R3HCC1L: variants seen among roughly 807,000 people sequenced by gnomAD.
R3HCC1L encodes the protein coiled-coil domain-containing protein R3HCC1L.
Under a neutral mutation model 59.9 loss-of-function variants are expected in R3HCC1L, and 51 were observed. That is an observed-to-expected ratio of 0.85 (90% confidence interval 0.68 to 1.07). The LOEUF is 1.07. Ranked by LOEUF, R3HCC1L falls within the 50% of genes least tolerant of loss-of-function variation. The pLI is 0.00. For synonymous variants in R3HCC1L, 322 were observed against 315.2 expected (o/e 1.02, Z -0.23); for missense variants, 965 against 933.0 (o/e 1.03, Z -0.45).
At chr10:98,177,070 G>A (rs576306558) in intron 4 of R3HCC1L, among the ~76,000 whole-genome samples, 1 of 152,132 alleles carries the variant, frequency 6.6e-6, no homozygotes, top group Admixed American at 6.5e-5. Flanking sequence ...TAGGGTACAT[G>A]TGCACAATGT....
At chr10:98,207,231 C>T (rs1465363014) in intron 4 of R3HCC1L, among the ~76,000 whole-genome samples, 1 of 152,132 alleles carries the variant, frequency 6.6e-6, no homozygotes, top group Non-Finnish European at 1.5e-5. Flanking sequence ...CAAACTTATC[C>T]CTACTTCATA....
chr10:98,208,305 A>G lies in R3HCC1L; in HGVS notation c.191A>G (p.Asp64Gly), dbSNP rs1207865269. The G allele has an allele frequency of 2.5e-6, 4 of 1,614,064 alleles. No homozygotes were observed. Among genetic ancestry groups the G allele is most frequent in the Non-Finnish European group, 3.4e-6 (4 of 1,180,038 alleles). Reference protein sequence around the residue: ...SSLSQKEVFKDKPEARRLNIN... With the variant: ...SSLSQKEVFKGKPEARRLNIN... ...CTCTCCCAAAAAGAAGTCTTTAAAG[A>G]CAAACCGGAGGCTCGAAGACTAAAT... Residue 64 changes from aspartate to glycine, a missense_variant, in exon 5 of 10, where the codon GAC becomes GGC. Asp to Gly is a moderately conservative substitution (Grantham distance 94). Transcript: ENST00000298999.
Position 98,231,569 on chromosome 10 carries a change from A to G in R3HCC1L, c.1843A>G (p.Asn615Asp). The change falls in exon 6 of 10, where the codon AAT becomes GAT. Residue 615 changes from asparagine (N) to aspartate (D), a missense_variant. Asn to Asp is a conservative substitution (Grantham distance 23). Transcript: ENST00000298999. ...SIQEPRSDYY[N>D]HEVPDIDLSD... ...CCAGGAACCTAGATCTGATTACTAC[A>G]ATCATGAAGTTCCTGATATTGACCT... 6.2e-7 allele frequency: 1 copy of G among 1,612,980 alleles called. No individual in the cohort carries two copies. The highest frequency in any genetic ancestry group is 1.7e-4 in the Middle Eastern group (1 of 6,048).
chr10:98,154,131 G>C (rs1036304548), intron 1 of R3HCC1L, among the ~76,000 whole-genome samples: 1 of 146,184 alleles, frequency 6.8e-6, no homozygotes, highest in African/African-American at 2.6e-5. Flanking sequence ...TATCATGCAG[G>C]CCTTTTTGAT....
At chr10:98,178,683 C>T (rs1271134711) in intron 4 of R3HCC1L, among the ~76,000 whole-genome samples, 2 of 152,182 alleles carry the variant, frequency 1.3e-5, no homozygotes, top group African/African-American at 4.8e-5. Flanking sequence ...GATACTGATT[C>T]TTCCTATTCA....
chr10:98,227,399 G>GAT (rs1406635286), intron 5 of R3HCC1L, among the ~76,000 whole-genome samples: 1 of 152,050 alleles, frequency 6.6e-6, no homozygotes, highest in African/African-American at 2.4e-5. Context: ...AAGGAAAGGA[G>GAT]ATATATATTC....
intron 4 of R3HCC1L, among the ~76,000 whole-genome samples, chr10:98,184,909 A>G (rs1172575372): frequency 6.6e-6 from 1 of 152,190 alleles, no homozygotes; most frequent in Non-Finnish European, 1.5e-5. Context: ...CTATAGGTAA[A>G]GTAGTGCTCA....
chr10:98,206,759 T>A (rs994806697), intron 4 of R3HCC1L, among the ~76,000 whole-genome samples: 3 of 152,212 alleles, frequency 2.0e-5, no homozygotes, highest in African/African-American at 4.8e-5. Context: ...TGGTATCCCT[T>A]TCTATGAAAC....
At chr10:98,201,287 GGTA>G (rs1852019227) in intron 4 of R3HCC1L, among the ~76,000 whole-genome samples, 1 of 152,126 alleles carries the variant, frequency 6.6e-6, no homozygotes, top group Non-Finnish European at 1.5e-5. Flanking sequence ...GTAATGGTCT[GGTA>G]GTGGTCTGGT....
intron 4 of R3HCC1L, among the ~76,000 whole-genome samples, chr10:98,194,690 T>C (rs1362948596): frequency 1.3e-5 from 2 of 152,164 alleles, no homozygotes; most frequent in Non-Finnish European, 2.9e-5. Context: ...AGAAGATACG[T>C]GCATGGCCAG....
rs960214706 is a variant in R3HCC1L, at chr10:98,231,494, G to A, written c.1786-18G>A. ...AGGTTTAATGTAACCGGCACTTAAC[G>A]TGCTTCTTCCTTTCTAGTTATCAGG... is the stretch of plus-strand genomic sequence containing the variant. On this transcript the variant is annotated intron_variant, in intron 5 of 9. Transcript: ENST00000298999. 3.1e-6 allele frequency: 5 copies of A among 1,603,696 alleles called. No homozygotes were observed. The African/African-American group carries it at 4.0e-5, about 13-fold the overall frequency.
chr10:98,212,789 G>A (rs1157904662), intron 5 of R3HCC1L, among the ~76,000 whole-genome samples: 1 of 152,168 alleles, frequency 6.6e-6, no homozygotes, highest in Non-Finnish European at 1.5e-5. Context: ...GATGTTGATA[G>A]ATACCAGCAT....
At chr10:98,211,404 G>T (rs1853559454) in intron 5 of R3HCC1L, 1 of 1,487,470 alleles carries the variant, frequency 6.7e-7, no homozygotes, top group Non-Finnish European at 8.9e-7. Context: ...ATGACTGTCA[G>T]CCCATAATTA....
intron 5 of R3HCC1L, among the ~76,000 whole-genome samples, chr10:98,210,669 A>G (rs1378089008): frequency 1.3e-5 from 2 of 152,182 alleles, no homozygotes; most frequent in African/African-American, 2.4e-5. Flanking sequence ...TTTTCCTATA[A>G]GAGCACCAGT....
chr10:98,209,369 A>T lies in R3HCC1L; in HGVS notation c.1255A>T (p.Ser419Cys). 14 of 1,614,024 alleles carry T rather than the reference A, an allele frequency of 8.7e-6. No individual in the cohort carries two copies. The highest frequency in any genetic ancestry group is 1.2e-5 in the Non-Finnish European group (14 of 1,180,000). The part of the protein sequence containing the change: ...TRSFSKFVGM[S>C]ADATPLHVAR... ...AAGTTTCTCAAAGTTTGTAGGAATGAGTGCAGATGCAACCCCTCTTCATGT... is the reference window on the plus strand; with the variant it reads ...AAGTTTCTCAAAGTTTGTAGGAATGTGTGCAGATGCAACCCCTCTTCATGT... Residue 419 changes from serine (S) to cysteine (C), a missense_variant, in exon 5 of 10, where the codon AGT becomes TGT. Transcript: ENST00000298999.
intron 5 of R3HCC1L, among the ~76,000 whole-genome samples, chr10:98,217,718 G>T (rs2135407780): frequency 6.6e-6 from 1 of 151,986 alleles, no homozygotes; most frequent in South Asian, 2.1e-4. Context: ...AGTTTTCCTG[G>T]TAGAGAGCTT....
chr10:98,203,617 T>C (rs1216330187), intron 4 of R3HCC1L, among the ~76,000 whole-genome samples: 1 of 152,216 alleles, frequency 6.6e-6, no homozygotes, highest in Non-Finnish European at 1.5e-5. Flanking sequence ...TAAGTGCCAA[T>C]ACTCAGTTGT....
At chr10:98,185,251 A>C (rs572005035) in intron 4 of R3HCC1L, among the ~76,000 whole-genome samples, 182 of 152,274 alleles carry the variant, frequency 1.2e-3, no homozygotes, top group African/African-American at 4.1e-3. Flanking sequence ...AGTCTGTGCT[A>C]TGTGTCTAGG....
At chr10:98,179,849 G>C (rs183622426) in intron 4 of R3HCC1L, among the ~76,000 whole-genome samples, 5 of 152,172 alleles carry the variant, frequency 3.3e-5, no homozygotes, top group Admixed American at 2.0e-4. Flanking sequence ...GTTTATTTGC[G>C]TATAGGTATT....
Sources: allele counts gnomAD v4.1 joint callset (sites outside exome capture counted in the v4.1 genomes callset), GRCh38; gene constraint gnomAD v4.1.1; transcripts MANE v1.5; gene names NCBI Gene and HGNC (gene_info 2026-07-23, HGNC 2026-07-21).